Variants in ETV6 observed in about 807,000 individuals in gnomAD.
The protein encoded by ETV6 is transcription factor ETV6.
Under a neutral mutation model 51.1 loss-of-function variants are expected in ETV6, and 16 were observed. That is an observed-to-expected ratio of 0.31 (90% CI 0.21 to 0.48). The LOEUF is 0.48. Ranked by LOEUF, ETV6 falls within the 20% of genes least tolerant of loss-of-function variation. The pLI is 0.99. For missense variants in ETV6, 458 were observed against 594.8 expected (o/e 0.77, Z 2.39); for synonymous variants, 240 against 224.1 (o/e 1.07, Z -0.64).
In ETV6 at chr12:11,784,589, G is replaced by C. The variant is rs538270505; in HGVS notation, c.163+32010G>C. Among the ~76,000 whole-genome samples the C allele has an allele frequency of 1.2e-4, 18 of 152,286 alleles. No individual in the cohort carries two copies. The South Asian group carries it at 2.3e-3, about 19-fold the overall frequency. The stretch of plus-strand genomic sequence containing the variant: ...AGGGAAAGTGTTTGATGTATTAAAA[G>C]GAACGCGAGGAAGCAAATGTGTCTA... On this transcript the variant is annotated intron_variant, in intron 2 of 7. Transcript: ENST00000396373.
At chr12:11,764,743 T>C (rs1945139877) in intron 2 of ETV6, among the ~76,000 whole-genome samples, 1 of 152,116 alleles carries the variant, frequency 6.6e-6, no homozygotes. Context: ...GTGTGCAGAA[T>C]TTGGGGGAAA....
chr12:11,751,873 G>A (rs930507585), intron 1 of ETV6: 2 of 507,690 alleles, frequency 3.9e-6, no homozygotes, highest in Non-Finnish European at 7.9e-6. Context: ...GATATTTTTG[G>A]TTGTGGTGGT....
chr12:11,853,408 C>T lies in ETV6; in HGVS notation c.329-19C>T, dbSNP rs2136490677. The stretch of plus-strand genomic sequence containing the variant: ...AACATCTTTCCATTTCTCGATTTCC[C>T]TTTCCTTTTTCTTTCCAGGTGATGT... On this transcript the variant is annotated intron_variant, in intron 3 of 7. Coordinates refer to ENST00000396373, the MANE Select transcript of ETV6 (RefSeq NM_001987.5). 1 of 1,613,836 alleles carries T rather than the reference C, an allele frequency of 6.2e-7. No homozygotes were observed. Among genetic ancestry groups the T allele is most frequent in the Non-Finnish European group, 8.5e-7 (1 of 1,179,846 alleles).
intron 1 of ETV6, among the ~76,000 whole-genome samples, chr12:11,728,243 G>A (rs1277279192): frequency 1.3e-5 from 2 of 152,188 alleles, no homozygotes; most frequent in Non-Finnish European, 2.9e-5. Context: ...TAAATTACAG[G>A]TGGATTATGC....
chr12:11,859,118 GGTTTTTTTTTTTTTTTTT>G (rs1367846856), intron 4 of ETV6, among the ~76,000 whole-genome samples: 4 of 41,794 alleles, frequency 9.6e-5, no homozygotes, highest in African/African-American at 2.8e-4. Flanking sequence ...ATATGAATCT[GGTTTTTTTTTTTTTTTTT>G]TTTTTTTTTT....
intron 2 of ETV6, among the ~76,000 whole-genome samples, chr12:11,808,438 A>G (rs1215174194): frequency 6.9e-6 from 1 of 145,288 alleles, no homozygotes; most frequent in East Asian, 1.9e-4. Context: ...TCAGAAAAAC[A>G]AAAAACAAAA....
chr12:11,819,215 T>G (rs1178296495), intron 2 of ETV6, among the ~76,000 whole-genome samples: 1 of 152,154 alleles, frequency 6.6e-6, no homozygotes, highest in East Asian at 1.9e-4. Flanking sequence ...GTGATCTGGT[T>G]TCTACGCCTG....
At chr12:11,702,252 T>C (rs1864997161) in intron 1 of ETV6, among the ~76,000 whole-genome samples, 2 of 152,202 alleles carry the variant, frequency 1.3e-5, no homozygotes, top group Non-Finnish European at 2.9e-5. Context: ...TCGGGCCTGT[T>C]GACAGCAGAG....
At chr12:11,680,509 C>T (rs551135184) in intron 1 of ETV6, among the ~76,000 whole-genome samples, 1 of 152,312 alleles carries the variant, frequency 6.6e-6, no homozygotes, top group Admixed American at 6.5e-5. Flanking sequence ...CACATCAGGG[C>T]AGGCATCTCA....
chr12:11,698,801 T>A (rs1174652383), intron 1 of ETV6, among the ~76,000 whole-genome samples: 2 of 152,256 alleles, frequency 1.3e-5, no homozygotes, highest in Non-Finnish European at 2.9e-5. Context: ...TTATTAATTG[T>A]GCCAGGCACT....
intron 4 of ETV6, among the ~76,000 whole-genome samples, chr12:11,863,575 TA>T (rs1946746998): frequency 6.6e-6 from 1 of 152,206 alleles, no homozygotes; most frequent in African/African-American, 2.4e-5. Context: ...GCAATGTGGA[TA>T]ATTTCCCAGT....
intron 1 of ETV6, among the ~76,000 whole-genome samples, chr12:11,749,887 G>A (rs1052150069): frequency 6.6e-6 from 1 of 152,178 alleles, no homozygotes; most frequent in Non-Finnish European, 1.5e-5. Context: ...GCATTTGTCC[G>A]TCTTGGTCAA....
intron 4 of ETV6, among the ~76,000 whole-genome samples, chr12:11,856,694 C>G (rs1946637280): frequency 6.6e-6 from 1 of 151,942 alleles, no homozygotes; most frequent in Non-Finnish European, 1.5e-5. Context: ...TTCTTCTCCA[C>G]TGAAAAGAAA....
intron 1 of ETV6, among the ~76,000 whole-genome samples, chr12:11,670,631 G>A (rs1005497425): frequency 1.3e-5 from 2 of 152,172 alleles, no homozygotes; most frequent in African/African-American, 4.8e-5. Context: ...AGCATTTTAG[G>A]AACAAAAGCA....
At chr12:11,855,096 C>G (rs556043753) in intron 4 of ETV6, among the ~76,000 whole-genome samples, 5 of 150,938 alleles carry the variant, frequency 3.3e-5, no homozygotes, top group Admixed American at 3.3e-4. Flanking sequence ...GAGATCAAGA[C>G]CGTCCTGGCT....
intron 2 of ETV6, among the ~76,000 whole-genome samples, chr12:11,792,353 C>T (rs1397050935): frequency 6.6e-6 from 1 of 152,134 alleles, no homozygotes; most frequent in Non-Finnish European, 1.5e-5. Flanking sequence ...TAGACAAAAT[C>T]CTGAATAGGA....
chr12:11,742,801 C>CTTTTTTTTTTTTTT lies in ETV6; in HGVS notation c.34-9646_34-9645insTTTTTTTTTTTTTT. Among the ~76,000 whole-genome samples, 2 of 63,046 alleles carry CTTTTTTTTTTTTTT rather than the reference C, an allele frequency of 3.2e-5. 1 individual carries two copies. The highest frequency in any genetic ancestry group is 9.0e-5 in the Non-Finnish European group (2 of 22,292). The allele number at this position is 63,046 out of a possible 152,430, so 41.4% of individuals were successfully genotyped here. ...GCTTCATCTCATTTTTCTTTTCTTTCTTTCTTTTTTTTTTTTTTTTTTGGA... is the reference window on the plus strand; with the variant it reads ...GCTTCATCTCATTTTTCTTTTCTTTCTTTTTTTTTTTTTTTTTCTTTTTTTTTTTTTTTTTTGGA... On this transcript the variant is annotated intron_variant, in intron 1 of 7. Transcript: ENST00000396373.
intron 2 of ETV6, among the ~76,000 whole-genome samples, chr12:11,829,477 G>A (rs141841564): frequency 2.0e-5 from 3 of 152,266 alleles, no homozygotes; most frequent in East Asian, 1.9e-4. Flanking sequence ...ATTTGACTGC[G>A]AAACCCAAGG....
chr12:11,716,088 C>T lies in ETV6; in HGVS notation c.34-36362C>T, dbSNP rs557526719. ...GTTTAAGACCATTTGGGGCCGGGCG[C>T]GGTGGCTGACGCCTGTAATCCCAAC... is the stretch of plus-strand genomic sequence containing the variant. On this transcript the variant is annotated intron_variant, in intron 1 of 7. Transcript: ENST00000396373. Among the ~76,000 whole-genome samples the T allele has an allele frequency of 9.9e-5, 15 of 152,128 alleles. No individual in the cohort carries two copies. The South Asian group carries it at 2.9e-3, about 29-fold the overall frequency.
Sources: allele counts gnomAD v4.1 joint callset (sites outside exome capture counted in the v4.1 genomes callset), GRCh38; gene constraint gnomAD v4.1.1; transcripts MANE v1.5; gene names NCBI Gene and HGNC (gene_info 2026-07-23, HGNC 2026-07-21).